Variants in EPHA3 observed in about 807,000 individuals in gnomAD.
EPHA3 encodes the protein ephrin type-A receptor 3.
A neutral mutation model predicts 107.1 loss-of-function variants in EPHA3; 42 were observed. The ratio of observed to expected loss-of-function variants is 0.39; its 90% CI spans 0.31 to 0.51. EPHA3 has a LOEUF of 0.51. Among genes scored for constraint, EPHA3 ranks in the 20% least tolerant of loss-of-function variants. The pLI is 0.78. For synonymous variants in EPHA3, 461 were observed against 424.8 expected (o/e 1.09, Z -1.05); for missense variants, 1,183 against 1,211.2 (o/e 0.98, Z 0.35).
chr3:89,266,391 G>A (rs1705538877), intron 3 of EPHA3, among the ~76,000 whole-genome samples: 1 of 152,064 alleles, frequency 6.6e-6, no homozygotes, highest in Non-Finnish European at 1.5e-5. Flanking sequence ...TTAGTTCCCA[G>A]GTAGCTGAAT....
intron 8 of EPHA3, among the ~76,000 whole-genome samples, chr3:89,407,815 T>A (rs1278366720): frequency 3.9e-5 from 6 of 152,120 alleles, no homozygotes; most frequent in Non-Finnish European, 7.3e-5. Flanking sequence ...AAAGCCATTA[T>A]AAAAACTGAA....
intron 1 of EPHA3, among the ~76,000 whole-genome samples, chr3:89,119,924 C>T (rs1282367099): frequency 3.3e-5 from 5 of 152,144 alleles, no homozygotes; most frequent in African/African-American, 1.2e-4. Context: ...AAAGGAAATA[C>T]TACATTAGAG....
rs537906684 is a variant in EPHA3 at position 89,371,485 on chromosome 3, A to G, written c.1307-24352A>G. Reference sequence around the variant, plus strand: ...AGGTAAGATAGATAAAAGATAAGATAAGAAATGATAGGACAAGATAATGTG... The same window carrying G: ...AGGTAAGATAGATAAAAGATAAGATGAGAAATGATAGGACAAGATAATGTG... On this transcript the variant is annotated intron_variant, in intron 5 of 16. Coordinates refer to ENST00000336596, the MANE Select transcript of EPHA3 (RefSeq NM_005233.6). Among the ~76,000 whole-genome samples the G allele has an allele frequency of 4.6e-5, 7 of 151,834 alleles. 1 individual carries two copies. Among genetic ancestry groups the G allele is most frequent in the African/African-American group, 1.7e-4 (7 of 41,496 alleles).
Position 89,355,733 on chromosome 3 carries a change from G to C in EPHA3, c.1306+13643G>C, listed in dbSNP as rs1054221760. Among the ~76,000 whole-genome samples the C allele has an allele frequency of 4.0e-5, 6 of 150,508 alleles. 1 individual carries two copies. The highest frequency in any genetic ancestry group is 2.1e-4 in the South Asian group (1 of 4,796). ...CTGGGAAAGGGCTTGAATAAGTTGT[G>C]CTCTGTCTCCATAATGATCATGCAG... is the stretch of plus-strand genomic sequence containing the variant. On this transcript the variant is annotated intron_variant, in intron 5 of 16. Coordinates refer to ENST00000336596, the MANE Select transcript of EPHA3 (RefSeq NM_005233.6).
intron 3 of EPHA3, among the ~76,000 whole-genome samples, chr3:89,223,556 C>T (rs1434261871): frequency 2.6e-5 from 4 of 152,140 alleles, no homozygotes; most frequent in African/African-American, 7.2e-5. Context: ...AGTTTCTGTA[C>T]GTTCCTAGAC....
At chr3:89,321,034 G>C (rs1050581709) in intron 3 of EPHA3, among the ~76,000 whole-genome samples, 2 of 151,772 alleles carry the variant, frequency 1.3e-5, no homozygotes, top group Non-Finnish European at 2.9e-5. Context: ...CTATAACAAA[G>C]TTCACACCAC....
At chr3:89,294,437 G>C (rs542833242) in intron 3 of EPHA3, among the ~76,000 whole-genome samples, 24 of 152,154 alleles carry the variant, frequency 1.6e-4, no homozygotes, top group African/African-American at 5.8e-4. Flanking sequence ...ATTTTAAAAT[G>C]CTTTTTCTCT....
chr3:89,114,312 A>G (rs1707197953), intron 1 of EPHA3, among the ~76,000 whole-genome samples: 1 of 152,174 alleles, frequency 6.6e-6, no homozygotes, highest in African/African-American at 2.4e-5. Context: ...CAACAGGGAG[A>G]TGAGCAAGTG....
At chr3:89,440,084 C>G (rs1043215530) in intron 13 of EPHA3, among the ~76,000 whole-genome samples, 1 of 152,168 alleles carries the variant, frequency 6.6e-6, no homozygotes, top group African/African-American at 2.4e-5. Context: ...ACTATTCTCT[C>G]AGTGGCGCTG....
chr3:89,208,502 G>A (rs1396008015), intron 2 of EPHA3, among the ~76,000 whole-genome samples: 1 of 138,382 alleles, frequency 7.2e-6, no homozygotes, highest in African/African-American at 2.8e-5. Flanking sequence ...AAGGAGGGAG[G>A]GAGGGAAGAA....
At position 89,450,217 on chromosome 3, in the gene EPHA3, C is replaced by T. The variant is rs1315283374; in HGVS notation, c.2537C>T (p.Pro846Leu). Residue 846 changes from proline to leucine, a missense_variant, in exon 15 of 17, where the codon CCC (proline) becomes CTC (leucine). Coordinates refer to ENST00000336596, the MANE Select transcript of EPHA3 (RefSeq NM_005233.6). ...GATGAGGGCTATCGACTGCCACCCC[C>T]CATGGACTGCCCAGCTGCCTTGTAT... is the stretch of plus-strand genomic sequence containing the variant. The part of the protein sequence containing the change: ...AVDEGYRLPP[P>L]MDCPAALYQL... 6.2e-7 allele frequency: 1 copy of T among 1,612,936 alleles called. No individual in the cohort carries two copies. Among genetic ancestry groups the T allele is most frequent in the Non-Finnish European group, 8.5e-7 (1 of 1,179,454 alleles).
chr3:89,399,283 G>T, intron 6 of EPHA3, 35 bp from the exon 7 acceptor site: 1 of 1,575,164 alleles, frequency 6.3e-7, no homozygotes, highest in Non-Finnish European at 8.7e-7. Context: ...ATGAAGATTT[G>T]ATTTTAACAT....
At chr3:89,426,624 C>A (rs1305397967) in intron 11 of EPHA3, among the ~76,000 whole-genome samples, 1 of 151,722 alleles carries the variant, frequency 6.6e-6, no homozygotes, top group Non-Finnish European at 1.5e-5. Context: ...TCCCACTAGA[C>A]ATGCTAATGA....
chr3:89,288,273 T>C (rs1256176575), intron 3 of EPHA3, among the ~76,000 whole-genome samples: 1 of 152,134 alleles, frequency 6.6e-6, no homozygotes, highest in Non-Finnish European at 1.5e-5. Flanking sequence ...GAGCAAACCA[T>C]CTTTCTAAAT....
intron 1 of EPHA3, among the ~76,000 whole-genome samples, chr3:89,116,486 T>G (rs1217853863): frequency 2.0e-5 from 3 of 152,166 alleles, no homozygotes; most frequent in Non-Finnish European, 4.4e-5. Flanking sequence ...AGCACTTGTA[T>G]TCTATTTAAC....
chr3:89,239,058 A>G (rs1209527534), intron 3 of EPHA3, among the ~76,000 whole-genome samples: 2 of 152,188 alleles, frequency 1.3e-5, no homozygotes, highest in Non-Finnish European at 2.9e-5. Context: ...AATATGACGT[A>G]AGAAGTCACA....
At chr3:89,122,523 T>C (rs1051949255) in intron 1 of EPHA3, among the ~76,000 whole-genome samples, 5 of 152,202 alleles carry the variant, frequency 3.3e-5, no homozygotes, top group African/African-American at 9.6e-5. Context: ...TATTAGGTAA[T>C]TGGAAAGATC....
At chr3:89,339,311 C>T (rs1248058958) in intron 3 of EPHA3, among the ~76,000 whole-genome samples, 1 of 137,850 alleles carries the variant, frequency 7.3e-6, no homozygotes, top group Non-Finnish European at 1.5e-5. Flanking sequence ...GCAGAGATTG[C>T]AGTGAGCCGA....
chr3:89,362,381 G>A (rs942678484), intron 5 of EPHA3, among the ~76,000 whole-genome samples: 1 of 151,064 alleles, frequency 6.6e-6, no homozygotes, highest in African/African-American at 2.4e-5. Context: ...GCCTAGAAGT[G>A]AGCTTTATTC....
Sources: gnomAD v4.1 joint callset for allele counts (sites outside exome capture counted in the v4.1 genomes callset) on GRCh38, gnomAD v4.1.1 for gene constraint, MANE v1.5 for transcripts, NCBI Gene and HGNC (gene_info 2026-07-23, HGNC 2026-07-21) for gene names.